The following MTHFD1L variants were observed in gnomAD, a reference collection of about 807,000 sequenced individuals.
The protein encoded by MTHFD1L is monofunctional C1-tetrahydrofolate synthase, mitochondrial.
A neutral mutation model predicts 119.5 loss-of-function variants in MTHFD1L; 81 were observed. That is an observed-to-expected ratio of 0.68 (90% CI 0.57 to 0.82). The LOEUF is 0.82. Ranked by LOEUF, MTHFD1L falls within the 40% of genes least tolerant of loss-of-function variation. The probability of loss-of-function intolerance (pLI) is 0.00; values close to 1 mark genes in which losing one functional copy is unlikely to be tolerated. For missense variants in MTHFD1L, 1,125 were observed against 1,253.4 expected (o/e 0.90, Z 1.55); for synonymous variants, 430 against 475.2 (o/e 0.90, Z 1.24).
chr6:151,056,151 A>G (rs1303183689), intron 26 of MTHFD1L: 2 of 152,294 alleles, frequency 1.3e-5, no homozygotes, highest in African/African-American at 2.4e-5. Flanking sequence ...ACCACGTGGC[A>G]TGGTGTGGAT....
chr6:150,866,331 C>G (rs1410971531), intron 1 of MTHFD1L: 3 of 1,453,048 alleles, frequency 2.1e-6, no homozygotes, highest in South Asian at 1.3e-5. Flanking sequence ...ACGCCCGGCT[C>G]CACGTGCGCA....
intron 26 of MTHFD1L, among the ~76,000 whole-genome samples, chr6:151,083,849 G>A (rs1264351048): frequency 6.6e-6 from 1 of 152,136 alleles, no homozygotes; most frequent in Non-Finnish European, 1.5e-5. Flanking sequence ...AAAAGCTCGA[G>A]TAGTTACTGT....
At chr6:150,973,371 G>A (rs565112729) in intron 20 of MTHFD1L, among the ~76,000 whole-genome samples, 55 of 152,292 alleles carry the variant, frequency 3.6e-4, no homozygotes, top group Non-Finnish European at 4.4e-5. Flanking sequence ...CAGCTCTCAT[G>A]TACTTTGCTC....
chr6:150,910,594 T>C (rs149868506), intron 8 of MTHFD1L, among the ~76,000 whole-genome samples: 1,599 of 152,048 alleles, frequency 0.011, 19 homozygotes, highest in East Asian at 0.025. Flanking sequence ...TGCATTGCAC[T>C]TACAGGCTGT....
At chr6:151,048,798 A>G (rs1302811470) in intron 26 of MTHFD1L, among the ~76,000 whole-genome samples, 2 of 152,196 alleles carry the variant, frequency 1.3e-5, no homozygotes, top group African/African-American at 4.8e-5. Context: ...GTAAAGCAAA[A>G]CAGCAAACTG....
rs565396743 is a variant in MTHFD1L, at chr6:150,908,997, T to C, written c.892+3236T>C. Among the ~76,000 whole-genome samples, 10 of 152,224 alleles carry C rather than the reference T, an allele frequency of 6.6e-5. No homozygotes were observed. The South Asian group carries it at 2.1e-3, about 32-fold the overall frequency. On this transcript the variant is annotated intron_variant, in intron 8 of 27. Coordinates refer to ENST00000367321, the MANE Select transcript of MTHFD1L (RefSeq NM_015440.5). Reference sequence around the variant, plus strand: ...TTATAATGAAATTTTTATTCTTACCTTCATGGTACAGAGTCCCTCCTCCTT... The same window carrying C: ...TTATAATGAAATTTTTATTCTTACCCTCATGGTACAGAGTCCCTCCTCCTT...
chr6:151,088,852 C>T (rs1446465850), intron 26 of MTHFD1L, among the ~76,000 whole-genome samples: 2 of 152,146 alleles, frequency 1.3e-5, no homozygotes, highest in East Asian at 1.9e-4. Flanking sequence ...CTCCAGGAAC[C>T]GCACAAATCC....
rs193145441 is a variant in MTHFD1L, at chr6:150,924,802, T to C, written c.1083-1320T>C. On this transcript the variant is annotated intron_variant, in intron 10 of 27. Coordinates refer to ENST00000367321, the MANE Select transcript of MTHFD1L (RefSeq NM_015440.5). ...CAAAAGCTTACACATTGTTCAAGAT[T>C]AAGCTCTTCAATTTAGGAGATTGTG... Among the ~76,000 whole-genome samples, 22 of 152,340 alleles carry C rather than the reference T, an allele frequency of 1.4e-4. No homozygotes were observed. In the East Asian group the frequency reaches 4.2e-3, roughly 29 times the overall value.
At chr6:150,953,256 A>T (rs1398100627) in intron 16 of MTHFD1L, among the ~76,000 whole-genome samples, 1 of 152,226 alleles carries the variant, frequency 6.6e-6, no homozygotes, top group Non-Finnish European at 1.5e-5. Flanking sequence ...TTCATCAGCC[A>T]TTAGGCATAC....
At chr6:150,885,555 G>A in intron 5 of MTHFD1L, 79 bp from the exon 6 acceptor site, 1 of 973,348 alleles carries the variant, frequency 1.0e-6, no homozygotes, top group African/African-American at 1.6e-5. Flanking sequence ...GTTATTTGGG[G>A]TTAATATATG....
chr6:151,033,793 C>T (rs1010943691), intron 24 of MTHFD1L, among the ~76,000 whole-genome samples: 2 of 152,160 alleles, frequency 1.3e-5, no homozygotes, highest in South Asian at 2.1e-4. Context: ...GTTTTTAATA[C>T]TATGAACCCG....
At chr6:151,069,396 GGCCTCTGGAT>G (rs1360889555) in intron 26 of MTHFD1L, among the ~76,000 whole-genome samples, 7 of 151,984 alleles carry the variant, frequency 4.6e-5, no homozygotes, top group Non-Finnish European at 7.4e-5. Context: ...TGGGCCAGAG[GGCCTCTGGAT>G]GCTGGCTGAT....
At chr6:150,965,268 C>A (rs1225297460) in intron 19 of MTHFD1L, among the ~76,000 whole-genome samples, 1 of 151,990 alleles carries the variant, frequency 6.6e-6, no homozygotes, top group African/African-American at 2.4e-5. Context: ...ATCAGAATAA[C>A]TTCTTGGCCA....
chr6:151,021,243 G>C (rs543555530), intron 24 of MTHFD1L, among the ~76,000 whole-genome samples: 1 of 152,240 alleles, frequency 6.6e-6, no homozygotes, highest in South Asian at 2.1e-4. Flanking sequence ...TAAAATGCTG[G>C]AACATAGAAA....
intron 26 of MTHFD1L, among the ~76,000 whole-genome samples, chr6:151,073,546 G>A (rs1045429213): frequency 3.3e-5 from 5 of 152,088 alleles, no homozygotes; most frequent in Non-Finnish European, 7.3e-5. Flanking sequence ...TCATAGACAC[G>A]GACATTAAAG....
chr6:150,901,562 C>T (rs1047995507), intron 7 of MTHFD1L, among the ~76,000 whole-genome samples: 6 of 152,248 alleles, frequency 3.9e-5, no homozygotes, highest in East Asian at 1.9e-4. Flanking sequence ...CTTAACTGGG[C>T]GCACATAAAC....
chr6:151,083,300 C>T (rs879930848), intron 26 of MTHFD1L, among the ~76,000 whole-genome samples: 12 of 152,016 alleles, frequency 7.9e-5, no homozygotes, highest in Non-Finnish European at 1.6e-4. Context: ...CAGGTTCAAG[C>T]GATTCTCCTG....
intron 9 of MTHFD1L, among the ~76,000 whole-genome samples, chr6:150,920,936 A>C (rs175856): frequency 0.8 from 106,753 of 132,988 alleles, 42,785 homozygotes; most frequent in East Asian, 0.99. Context: ...CCACACCCAG[A>C]TAATTTTTTT....
At chr6:150,891,386 C>CATAT (rs60950948) in intron 7 of MTHFD1L, among the ~76,000 whole-genome samples, 2 of 148,842 alleles carry the variant, frequency 1.3e-5, no homozygotes, top group African/African-American at 4.9e-5. Flanking sequence ...AGCAACACAA[C>CATAT]ATATATATAT....
Sources: allele counts gnomAD v4.1 joint callset (sites outside exome capture counted in the v4.1 genomes callset), GRCh38; gene constraint gnomAD v4.1.1; transcripts MANE v1.5; gene names NCBI Gene and HGNC (gene_info 2026-07-23, HGNC 2026-07-21).